The following PANX1 variants were observed in gnomAD, a reference collection of about 807,000 sequenced individuals.
PANX1 encodes pannexin-1.
In PANX1, 30 loss-of-function variants were observed where a neutral mutation model predicts 38.7. The observed-to-expected ratio is 0.78, with a 90% CI of 0.58 to 1.05. PANX1 has a LOEUF of 1.05. Among genes scored for constraint, PANX1 ranks in the 50% least tolerant of loss-of-function variants. PANX1 has a pLI of 0.00. For missense variants in PANX1, 551 were observed against 517.2 expected, an observed-to-expected ratio of 1.07 and a Z score of -0.63; for synonymous variants, 230 against 212.2, an observed-to-expected ratio of 1.08 and a Z score of -0.73.
Position 94,179,974 on chromosome 11 carries a change from C to CAA in PANX1, c.920_921dup (p.Val308LysfsTer22). The CAA allele has an allele frequency of 6.3e-7, 1 of 1,596,728 alleles. No individual in the cohort carries two copies. The highest frequency in any genetic ancestry group is 8.6e-7 in the Non-Finnish European group (1 of 1,168,910). On this transcript the variant is annotated frameshift_variant, in exon 4 of 5. Transcript: ENST00000227638. LOFTEE classifies it high-confidence loss of function. ...CATTCCGACAGAAGACAGATGTTCT[C>CAA]AAAGTGTACGAAATCCTCCCCACTT...
intron 1 of PANX1, among the ~76,000 whole-genome samples, chr11:94,139,584 C>T (rs1946737096): frequency 6.6e-6 from 1 of 152,172 alleles, no homozygotes; most frequent in Non-Finnish European, 1.5e-5. Flanking sequence ...AGGCTTGTTG[C>T]CAAGGGAACC....
rs915801540 is a variant in PANX1, at chr11:94,129,274, G to A, written c.-39G>A. 3.2e-6 allele frequency: 5 copies of A among 1,564,794 alleles called. No individual in the cohort carries two copies. The highest frequency in any genetic ancestry group is 1.4e-5 in the African/African-American group (1 of 73,614). ...CCGCGCAGCTTTCCCGACGCCGGCT[G>A]TACCCGGACCTCCTGGTCGAGCCTG... On this transcript the variant is annotated 5_prime_UTR_variant, in exon 1 of 5. Coordinates refer to ENST00000227638, the MANE Select transcript of PANX1 (RefSeq NM_015368.4).
chr11:94,150,264 T>C (rs2134490221), intron 1 of PANX1, among the ~76,000 whole-genome samples: 2 of 152,222 alleles, frequency 1.3e-5, no homozygotes, highest in East Asian at 3.9e-4. Context: ...GGAGCATTGA[T>C]TTGGATTTGT....
intron 2 of PANX1, among the ~76,000 whole-genome samples, chr11:94,167,866 A>G (rs1032517886): frequency 2.6e-5 from 4 of 152,248 alleles, no homozygotes; most frequent in African/African-American, 9.6e-5. Flanking sequence ...GGAAGAAGGC[A>G]GTGAGAGGGA....
chr11:94,176,955 C>T (rs999062943), intron 2 of PANX1, among the ~76,000 whole-genome samples: 1 of 151,606 alleles, frequency 6.6e-6, no homozygotes, highest in South Asian at 2.1e-4. Flanking sequence ...AACGTGTCCA[C>T]CTAGCTAATC....
intron 1 of PANX1, among the ~76,000 whole-genome samples, chr11:94,144,323 C>T (rs1565374482): frequency 6.6e-6 from 1 of 152,038 alleles, no homozygotes; most frequent in Admixed American, 6.5e-5. Flanking sequence ...GGGGTTGCTG[C>T]AAGGATTCAC....
rs923870308 is a variant in PANX1 at position 94,178,312 on chromosome 11, C to T, written c.322-57C>T. 8.4e-6 allele frequency: 11 copies of T among 1,316,206 alleles called. No homozygotes were observed. In the Admixed American group the frequency reaches 1.5e-4, roughly 18 times the overall value. The allele number at this position is 1,316,206 out of a possible 1,614,324, so 81.5% of individuals were successfully genotyped here. On this transcript the variant is annotated intron_variant, in intron 2 of 4. Coordinates refer to ENST00000227638, the MANE Select transcript of PANX1 (RefSeq NM_015368.4). ...AGAAAATGAGAGCATCACTTGGCGCCATAGGTTACTGCATGGGGGGTTTGT... is the reference window on the plus strand; with the variant it reads ...AGAAAATGAGAGCATCACTTGGCGCTATAGGTTACTGCATGGGGGGTTTGT...
intron 1 of PANX1, among the ~76,000 whole-genome samples, chr11:94,141,495 C>T (rs764180252): frequency 3.9e-5 from 6 of 152,114 alleles, no homozygotes; most frequent in Non-Finnish European, 8.8e-5. Flanking sequence ...ATGTTTGATC[C>T]TAGAGAGACT....
intron 2 of PANX1, among the ~76,000 whole-genome samples, chr11:94,163,776 A>G (rs1401566019): frequency 6.6e-6 from 1 of 152,132 alleles, no homozygotes; most frequent in Non-Finnish European, 1.5e-5. Context: ...TTCCCTCCTC[A>G]GTTTTTTTGA....
intron 1 of PANX1, among the ~76,000 whole-genome samples, chr11:94,149,439 A>G (rs1277903504): frequency 1.3e-5 from 2 of 152,156 alleles, no homozygotes; most frequent in Non-Finnish European, 2.9e-5. Flanking sequence ...TGTCTGTGGC[A>G]TGGATTGCCA....
intron 1 of PANX1, among the ~76,000 whole-genome samples, chr11:94,149,539 G>C (rs189678860): frequency 9.8e-5 from 15 of 152,318 alleles, no homozygotes; most frequent in African/African-American, 3.6e-4. Flanking sequence ...TATTTGGCCA[G>C]ACGTACATAA....
chr11:94,171,755 T>C (rs1947170861), intron 2 of PANX1, among the ~76,000 whole-genome samples: 1 of 151,384 alleles, frequency 6.6e-6, no homozygotes, highest in South Asian at 2.1e-4. Flanking sequence ...CTTTGATTTC[T>C]CCCTGTCTTC....
chr11:94,153,720 A>G (rs1946912990), intron 2 of PANX1, 90 bp downstream of exon 2: 6 of 1,215,094 alleles, frequency 4.9e-6, no homozygotes, highest in Non-Finnish European at 6.9e-6. Context: ...CCACACAGAT[A>G]TTGTAGCCAA....
intron 2 of PANX1, among the ~76,000 whole-genome samples, chr11:94,174,399 A>G (rs1591525759): frequency 6.6e-6 from 1 of 151,422 alleles, no homozygotes; most frequent in African/African-American, 2.5e-5. Context: ...AGGAAAGAGG[A>G]TTCCAAAGGG....
intron 1 of PANX1, among the ~76,000 whole-genome samples, chr11:94,143,592 A>T (rs1367992903): frequency 6.6e-6 from 1 of 152,204 alleles, no homozygotes; most frequent in Non-Finnish European, 1.5e-5. Context: ...GAGGTTAAGT[A>T]AGTTGCTGGG....
chr11:94,152,188 T>A (rs904122870), intron 1 of PANX1, among the ~76,000 whole-genome samples: 1 of 152,182 alleles, frequency 6.6e-6, no homozygotes, highest in African/African-American at 2.4e-5. Context: ...ACTTGTTGCT[T>A]CATCTAGAAA....
chr11:94,175,941 G>A (rs965543881), intron 2 of PANX1: 7 of 971,098 alleles, frequency 7.2e-6, no homozygotes, highest in South Asian at 9.5e-5. Flanking sequence ...TCTGTCTTGC[G>A]TCTGGGGCAG....
chr11:94,179,541 C>T, intron 3 of PANX1, 61 bp from the exon 4 acceptor site: 1 of 1,228,590 alleles, frequency 8.1e-7, no homozygotes, highest in South Asian at 1.3e-5. Context: ...TGTGTATCTG[C>T]CTTTAATATT....
Position 94,179,923 on chromosome 11 carries a change from C to G in PANX1, c.867C>G (p.Pro289=), listed in dbSNP as rs768265041. 1 of 1,610,946 alleles carries G rather than the reference C, an allele frequency of 6.2e-7. No individual in the cohort carries two copies. The highest frequency in any genetic ancestry group is 8.5e-7 in the Non-Finnish European group (1 of 1,177,814). Residue 289 remains proline (P), a synonymous_variant, in exon 4 of 5, where the codon CCC becomes CCG. Coordinates refer to ENST00000227638, the MANE Select transcript of PANX1 (RefSeq NM_015368.4). The stretch of plus-strand genomic sequence containing the variant: ...TTGTGGTTTATGTCCTGCTGGCTCC[C>G]GTGGTTGTCTACACGCTGTTTGTTC... ...INLVVYVLLA[P]VVVYTLFVPF...
Sources: gnomAD v4.1 joint callset for allele counts (sites outside exome capture counted in the v4.1 genomes callset) on GRCh38, gnomAD v4.1.1 for gene constraint, MANE v1.5 for transcripts, NCBI Gene and HGNC (gene_info 2026-07-23, HGNC 2026-07-21) for gene names.